The following SLC14A2 variants were observed in gnomAD, a reference collection of about 807,000 sequenced individuals.
The protein encoded by SLC14A2 is urea transporter 2.
Under a neutral mutation model 104.6 loss-of-function variants are expected in SLC14A2, and 91 were observed. The ratio of observed to expected loss-of-function variants is 0.87; its 90% CI spans 0.73 to 1.04. The LOEUF is 1.04. SLC14A2 is among the 50% of genes least tolerant of loss of function. The pLI, the probability that SLC14A2 is intolerant of heterozygous loss-of-function variation, is 0.00. For missense variants in SLC14A2, 1,189 were observed against 1,156.0 expected (o/e 1.03, Z -0.41); for synonymous variants, 476 against 466.4 (o/e 1.02, Z -0.27).
intron 1 of SLC14A2, among the ~76,000 whole-genome samples, chr18:45,307,309 T>C (rs765103602): frequency 1.3e-5 from 2 of 150,530 alleles, no homozygotes; most frequent in African/African-American, 2.4e-5. Context: ...TCCCAGCTAC[T>C]TGGGAAGCTG....
At chr18:45,469,662 G>A (rs1187154820) in intron 1 of SLC14A2, among the ~76,000 whole-genome samples, 5 of 152,166 alleles carry the variant, frequency 3.3e-5, no homozygotes, top group African/African-American at 7.2e-5. Context: ...GGCAAAGAAG[G>A]CTCCCCAGAG....
chr18:45,656,610 G>A (rs2045841477), intron 10 of SLC14A2, among the ~76,000 whole-genome samples: 1 of 152,176 alleles, frequency 6.6e-6, no homozygotes, highest in Non-Finnish European at 1.5e-5. Flanking sequence ...ACAGTGAGAA[G>A]AGAGTGCAAA....
chr18:45,482,627 T>C (rs868592961), intron 1 of SLC14A2: 1 of 152,360 alleles, frequency 6.6e-6, no homozygotes, highest in South Asian at 2.1e-4. Flanking sequence ...AGACAGTTGA[T>C]GACATGGCAG....
intron 16 of SLC14A2, among the ~76,000 whole-genome samples, chr18:45,672,305 G>C (rs537124600): frequency 6.6e-6 from 1 of 152,082 alleles, no homozygotes; most frequent in Non-Finnish European, 1.5e-5. Flanking sequence ...CAAGGCAGGC[G>C]GATCACCTGA....
chr18:45,639,881 G>A lies in SLC14A2; in HGVS notation c.979G>A (p.Gly327Arg). The change falls in exon 7 of 20, where the codon GGG becomes AGG. Residue 327 changes from glycine to arginine, a missense_variant. Transcript: ENST00000255226. ...CLHAAIGSIV[G>R]LLAALSVATP... ...GCATGCAGCCATTGGCTCAATCGTG[G>A]GGCTGCTAGCAGGTAGGACAGAGCT... 6.2e-7 allele frequency: 1 copy of A among 1,613,216 alleles called. No individual in the cohort carries two copies. The highest frequency in any genetic ancestry group is 8.5e-7 in the Non-Finnish European group (1 of 1,179,894).
intron 1 of SLC14A2, among the ~76,000 whole-genome samples, chr18:45,231,114 G>GAGA (rs2084170155): frequency 6.6e-6 from 1 of 152,198 alleles, no homozygotes; most frequent in Non-Finnish European, 1.5e-5. Flanking sequence ...TTGACGCACA[G>GAGA]AGAAGTTAAG....
chr18:45,589,654 C>T (rs2144383187), intron 2 of SLC14A2, among the ~76,000 whole-genome samples: 1 of 152,278 alleles, frequency 6.6e-6, no homozygotes, highest in East Asian at 1.9e-4. Context: ...GGGCTTCAGC[C>T]TCCCGCTGAG....
chr18:45,467,283 C>T (rs188280728), intron 1 of SLC14A2, among the ~76,000 whole-genome samples: 1 of 152,204 alleles, frequency 6.6e-6, no homozygotes, highest in African/African-American at 2.4e-5. Flanking sequence ...GCTGGCCTCA[C>T]GAATAACTGG....
At chr18:45,616,428 G>A (rs1440909353) in intron 1 of SLC14A2, among the ~76,000 whole-genome samples, 6 of 152,160 alleles carry the variant, frequency 3.9e-5, no homozygotes, top group African/African-American at 1.4e-4. Context: ...AGTGCCCTGG[G>A]CATTGACTAC....
chr18:45,386,881 A>C (rs962263553), intron 1 of SLC14A2, among the ~76,000 whole-genome samples: 1 of 152,236 alleles, frequency 6.6e-6, no homozygotes, highest in Non-Finnish European at 1.5e-5. Context: ...ACCACTTAGC[A>C]CATAACCAGG....
intron 15 of SLC14A2, among the ~76,000 whole-genome samples, 179 bp downstream of exon 15, chr18:45,668,656 TAC>T (rs2046075796): frequency 6.6e-6 from 1 of 152,252 alleles, no homozygotes; most frequent in African/African-American, 2.4e-5. Flanking sequence ...GCTAGGTCTA[TAC>T]ACAGTATCCC....
chr18:45,213,141 G>C (rs1259671871), exon 1 of SLC14A2: 2 of 152,154 alleles, frequency 1.3e-5, no homozygotes, highest in Non-Finnish European at 1.5e-5. Flanking sequence ...TACAGACAAG[G>C]AAAAGGCTTG....
intron 16 of SLC14A2, among the ~76,000 whole-genome samples, chr18:45,671,559 G>T (rs978912616): frequency 1.3e-5 from 2 of 151,974 alleles, no homozygotes; most frequent in Non-Finnish European, 2.9e-5. Flanking sequence ...AACTGCCCAT[G>T]CTGCTGCTTC....
intron 1 of SLC14A2, among the ~76,000 whole-genome samples, chr18:45,434,312 C>T (rs560424459): frequency 6.6e-6 from 1 of 152,254 alleles, no homozygotes; most frequent in South Asian, 2.1e-4. Context: ...TGGAGGTTAT[C>T]CTCAATGATA....
chr18:45,428,295 A>T (rs1390452354), intron 1 of SLC14A2, among the ~76,000 whole-genome samples: 6 of 152,174 alleles, frequency 3.9e-5, no homozygotes, highest in Non-Finnish European at 8.8e-5. Context: ...ATTATATCTG[A>T]CTCAAATAAA....
At chr18:45,281,821 C>T (rs556499952) in intron 1 of SLC14A2, among the ~76,000 whole-genome samples, 2 of 152,286 alleles carry the variant, frequency 1.3e-5, no homozygotes, top group Admixed American at 6.5e-5. Context: ...CATACCACTG[C>T]CATGCAGCTG....
the SLC14A2 span, among the ~76,000 whole-genome samples, chr18:45,205,179 A>G: frequency 6.6e-6 from 1 of 152,166 alleles, no homozygotes; most frequent in Non-Finnish European, 1.5e-5. Context: ...ACCTTCCCCT[A>G]GCAGCACCAG....
At chr18:45,677,031 TTCCTTCCAC>T (rs2046238820) in intron 18 of SLC14A2, among the ~76,000 whole-genome samples, 1 of 152,128 alleles carries the variant, frequency 6.6e-6, no homozygotes, top group Admixed American at 6.5e-5. Flanking sequence ...GTTGCAAAGG[TTCCTTCCAC>T]CACTGCCTGC....
chr18:45,532,683 C>T (rs1001206771), intron 2 of SLC14A2, among the ~76,000 whole-genome samples: 3 of 151,906 alleles, frequency 2.0e-5, no homozygotes, highest in Admixed American at 2.0e-4. Flanking sequence ...ATTGAATACC[C>T]TTTATTTCCT....
Sources: allele counts gnomAD v4.1 joint callset (sites outside exome capture counted in the v4.1 genomes callset), GRCh38; gene constraint gnomAD v4.1.1; transcripts MANE v1.5; gene names NCBI Gene and HGNC (gene_info 2026-07-23, HGNC 2026-07-21).